The following SSBP2 variants were observed in gnomAD, a reference collection of about 807,000 sequenced individuals.
The protein encoded by SSBP2 is single stranded DNA binding protein 2.
In SSBP2, 17 loss-of-function variants were observed where a neutral mutation model predicts 61.8. That is an observed-to-expected ratio of 0.28 (90% CI 0.19 to 0.41). The LOEUF (loss-of-function observed/expected upper bound fraction) is 0.41, where lower values mean the gene tolerates loss of function less well. Ranked by LOEUF, SSBP2 falls within the 10% of genes least tolerant of loss-of-function variation. The pLI, the probability that SSBP2 is intolerant of heterozygous loss-of-function variation, is 1.00. For synonymous variants in SSBP2, 139 were observed against 141.3 expected, an observed-to-expected ratio of 0.98 and a Z score of 0.12; for missense variants, 310 against 458.7, an observed-to-expected ratio of 0.68 and a Z score of 2.96.
At chr5:81,602,023 G>C (rs950841739) in intron 4 of SSBP2, among the ~76,000 whole-genome samples, 2 of 151,910 alleles carry the variant, frequency 1.3e-5, no homozygotes, top group Non-Finnish European at 2.9e-5. Flanking sequence ...TATCCAGAAG[G>C]ACACATGTAA....
intron 16 of SSBP2, among the ~76,000 whole-genome samples, chr5:81,426,129 G>A (rs1436501582): frequency 6.6e-6 from 1 of 152,160 alleles, no homozygotes. Context: ...GGGATAACTA[G>A]CTTATTTACT....
chr5:81,751,025 C>A lies in SSBP2; in HGVS notation c.18G>T (p.Lys6Asn). The A allele has an allele frequency of 6.3e-7, 1 of 1,599,164 alleles. No homozygotes were observed. The highest frequency in any genetic ancestry group is 8.5e-7 in the Non-Finnish European group (1 of 1,173,024). ...CGGACGGGACGGCGCTGCTGTTACTCTTGCCTTTGCCGTACATGCTTGTGC... is the reference window on the plus strand; with the variant it reads ...CGGACGGGACGGCGCTGCTGTTACTATTGCCTTTGCCGTACATGCTTGTGC... Residue 6 changes from lysine (K) to asparagine (N), a missense_variant, in exon 1 of 17, where the codon AAG (lysine) becomes AAT (asparagine). Lys to Asn is a moderately conservative substitution (Grantham distance 94). This residue lies in a region of SSBP2 where 36 missense variants were observed against 27.0 expected (regional missense o/e 1.33). Transcript: ENST00000320672.
rs367832461 is a variant in SSBP2, at chr5:81,712,809, T to C, written c.62+38172A>G. 2.3e-4 allele frequency among the ~76,000 whole-genome samples: 35 copies of C among 151,424 alleles called. 1 individual carries two copies. The South Asian group carries it at 7.1e-3, about 31-fold the overall frequency. ...GTGCAGTGGTGCAATCATGGCTCAC[T>C]GCAGCCTTGACCTCCTGGGCTCAAG... On this transcript the variant is annotated intron_variant, in intron 1 of 16. Transcript: ENST00000320672.
intron 1 of SSBP2, among the ~76,000 whole-genome samples, chr5:81,721,957 C>G (rs1463839443): frequency 6.6e-6 from 1 of 151,970 alleles, no homozygotes; most frequent in Non-Finnish European, 1.5e-5. Flanking sequence ...ATTGGGGCAC[C>G]CTGATCTTTA....
intron 4 of SSBP2, among the ~76,000 whole-genome samples, chr5:81,548,127 T>C (rs1771883992): frequency 6.6e-6 from 1 of 152,188 alleles, no homozygotes; most frequent in Admixed American, 6.5e-5. Flanking sequence ...TTTTTGCTGT[T>C]GGAGGGTCTT....
intron 4 of SSBP2, among the ~76,000 whole-genome samples, chr5:81,590,329 C>T (rs954220770): frequency 2.0e-5 from 3 of 152,128 alleles, no homozygotes; most frequent in Non-Finnish European, 4.4e-5. Flanking sequence ...TGTTCAAATG[C>T]TTTCCAAGTA....
chr5:81,532,594 G>T (rs1261987367), intron 4 of SSBP2, among the ~76,000 whole-genome samples: 2 of 151,832 alleles, frequency 1.3e-5, no homozygotes, highest in East Asian at 3.9e-4. Flanking sequence ...TCTAAACACT[G>T]CAATAAAAAG....
chr5:81,619,598 A>G (rs1365420135), intron 3 of SSBP2, among the ~76,000 whole-genome samples: 2 of 148,314 alleles, frequency 1.3e-5, no homozygotes, highest in Admixed American at 6.7e-5. Context: ...TCCCTAACTC[A>G]TTTTATGGGC....
At chr5:81,538,227 A>G (rs1360056659) in intron 4 of SSBP2, among the ~76,000 whole-genome samples, 1 of 152,202 alleles carries the variant, frequency 6.6e-6, no homozygotes, top group Non-Finnish European at 1.5e-5. Flanking sequence ...TTATACAGAG[A>G]AAGATTTAGT....
At chr5:81,439,160 A>C (rs1424715297) in intron 14 of SSBP2, among the ~76,000 whole-genome samples, 1 of 152,164 alleles carries the variant, frequency 6.6e-6, no homozygotes, top group African/African-American at 2.4e-5. Context: ...CGGGAAGTGA[A>C]ATCTTATATA....
At chr5:81,437,396 T>G in intron 15 of SSBP2, 34 bp downstream of exon 15, 3 of 1,581,780 alleles carry the variant, frequency 1.9e-6, no homozygotes, top group Non-Finnish European at 2.6e-6. Context: ...AATAAAATTC[T>G]GATTAAAAAC....
intron 14 of SSBP2, among the ~76,000 whole-genome samples, chr5:81,439,706 C>T (rs1337666045): frequency 7.4e-6 from 1 of 134,442 alleles, no homozygotes; most frequent in Non-Finnish European, 1.5e-5. Flanking sequence ...CAGTCTTGCT[C>T]TGTCACCCAG....
At chr5:81,541,714 C>T (rs894899145) in intron 4 of SSBP2, among the ~76,000 whole-genome samples, 66 of 152,072 alleles carry the variant, frequency 4.3e-4, no homozygotes, top group African/African-American at 1.5e-3. Flanking sequence ...AGTTGGCTAG[C>T]CATATGTGGA....
At chr5:81,469,657 G>GTATGGT in intron 8 of SSBP2, among the ~76,000 whole-genome samples, 1 of 151,880 alleles carries the variant, frequency 6.6e-6, no homozygotes, top group Admixed American at 6.6e-5. Flanking sequence ...GCACACAGTA[G>GTATGGT]GCCTTCCATG....
At chr5:81,508,614 T>G (rs1768360939) in intron 5 of SSBP2, among the ~76,000 whole-genome samples, 1 of 152,176 alleles carries the variant, frequency 6.6e-6, no homozygotes, top group Admixed American at 6.5e-5. Context: ...TATATCATAA[T>G]TATTTATTTT....
At chr5:81,701,278 A>G (rs1167927418) in intron 1 of SSBP2, among the ~76,000 whole-genome samples, 1 of 152,214 alleles carries the variant, frequency 6.6e-6, no homozygotes, top group Non-Finnish European at 1.5e-5. Context: ...TTTATCAATT[A>G]TATTCTCCAT....
intron 4 of SSBP2, among the ~76,000 whole-genome samples, chr5:81,514,193 C>A (rs927916972): frequency 6.6e-6 from 1 of 151,536 alleles, no homozygotes; most frequent in African/African-American, 2.4e-5. Flanking sequence ...AAATTTCCTG[C>A]CTATAGGTGG....
At chr5:81,734,118 C>T (rs1756442406) in intron 1 of SSBP2, among the ~76,000 whole-genome samples, 1 of 152,164 alleles carries the variant, frequency 6.6e-6, no homozygotes, top group African/African-American at 2.4e-5. Context: ...GTTAAAGCTA[C>T]TTAAGTGAAT....
At chr5:81,499,751 C>T (rs936942684) in intron 5 of SSBP2, among the ~76,000 whole-genome samples, 1 of 152,082 alleles carries the variant, frequency 6.6e-6, no homozygotes, top group African/African-American at 2.4e-5. Flanking sequence ...GATGCTAAAA[C>T]AATAATTTTT....
Sources: allele counts gnomAD v4.1 joint callset (sites outside exome capture counted in the v4.1 genomes callset), GRCh38; gene constraint gnomAD v4.1.1; regional missense constraint gnomAD v4.1.1; transcripts MANE v1.5; gene names NCBI Gene and HGNC (gene_info 2026-07-23, HGNC 2026-07-21).